Variants in TNNI3K observed in about 807,000 individuals in gnomAD.
The protein encoded by TNNI3K is TNNI3 interacting kinase.
In TNNI3K, 140 loss-of-function variants were observed where a neutral mutation model predicts 114.5. The observed-to-expected ratio is 1.22, with a 90% CI of 1.07 to 1.41. The LOEUF is 1.41. Ranked by LOEUF, TNNI3K falls within the 40% of genes most tolerant of loss-of-function variation. The pLI is 0.00. For synonymous variants in TNNI3K, 347 were observed against 347.5 expected (o/e 1.00, Z 0.02); for missense variants, 1,125 against 1,007.6 (o/e 1.12, Z -1.58).
intron 23 of TNNI3K, among the ~76,000 whole-genome samples, chr1:74,527,396 C>G (rs1397985820): frequency 2.0e-5 from 3 of 152,122 alleles, no homozygotes; most frequent in Non-Finnish European, 2.9e-5. Context: ...AGAAACAAGG[C>G]ATAGTAGAAA....
At chr1:74,252,511 G>C (rs1233482623) in intron 4 of TNNI3K, among the ~76,000 whole-genome samples, 2 of 152,148 alleles carry the variant, frequency 1.3e-5, no homozygotes, top group Non-Finnish European at 2.9e-5. Flanking sequence ...GTGGATTCTT[G>C]GTCTCACTCA....
intron 17 of TNNI3K, among the ~76,000 whole-genome samples, chr1:74,420,738 A>T (rs1665355505): frequency 6.6e-6 from 1 of 152,180 alleles, no homozygotes; most frequent in Non-Finnish European, 1.5e-5. Flanking sequence ...TAGCTATAAT[A>T]AGTGTCAGAG....
intron 5 of TNNI3K, among the ~76,000 whole-genome samples, chr1:74,315,567 T>A (rs535674265): frequency 8.3e-4 from 127 of 152,116 alleles, no homozygotes; most frequent in African/African-American, 3.0e-3. Context: ...TTTTTTTTTT[T>A]AACTGGATTT....
intron 9 of TNNI3K, among the ~76,000 whole-genome samples, chr1:74,349,914 A>G (rs1280006272): frequency 6.6e-6 from 1 of 152,030 alleles, no homozygotes; most frequent in Non-Finnish European, 1.5e-5. Context: ...GATCTTTTCA[A>G]AAAACCAGCT....
In TNNI3K at chr1:74,344,103, CTT is replaced by C. The variant is rs201026092; in HGVS notation, c.932+926_932+927del. Among the ~76,000 whole-genome samples the C allele has an allele frequency of 6.3e-3, 962 of 152,248 alleles. 11 individuals are homozygous for C. Among genetic ancestry groups the C allele is most frequent in the African/African-American group, 0.022 (921 of 41,554 alleles). ...TGAATAATAAAAATGAGGAGATTCT[CTT>C]TATTTCTTACCAAACTAAAATTAAG... On this transcript the variant is annotated intron_variant, in intron 9 of 24. Coordinates refer to ENST00000326637, the MANE Select transcript of TNNI3K (RefSeq NM_015978.3).
chr1:74,368,600 A>G (rs1662406256), intron 13 of TNNI3K, among the ~76,000 whole-genome samples: 1 of 151,868 alleles, frequency 6.6e-6, no homozygotes, highest in South Asian at 2.1e-4. Context: ...CCAGATCAGA[A>G]CCTTTATCAT....
chr1:74,527,382 A>G (rs1231554177), intron 23 of TNNI3K, among the ~76,000 whole-genome samples: 1 of 152,256 alleles, frequency 6.6e-6, no homozygotes, highest in Non-Finnish European at 1.5e-5. Flanking sequence ...ATCCATACTT[A>G]CTGAGAAACA....
In TNNI3K at chr1:74,452,507, T is replaced by G. The variant is rs188658277; in HGVS notation, c.2012-10934T>G. On this transcript the variant is annotated intron_variant, in intron 20 of 24. Transcript: ENST00000326637. ...TTTTCCTATTTTCAGTTCTACAGTT[T>G]ATCTCTGAAATCCATCCAGTTATCT... 1.4e-4 allele frequency among the ~76,000 whole-genome samples: 21 copies of G among 152,326 alleles called. No individual in the cohort carries two copies. In the East Asian group the frequency reaches 4.1e-3, roughly 29 times the overall value.
At chr1:74,436,801 G>T (rs1387893918) in intron 19 of TNNI3K, among the ~76,000 whole-genome samples, 3 of 151,934 alleles carry the variant, frequency 2.0e-5, no homozygotes, top group Non-Finnish European at 4.4e-5. Flanking sequence ...TGTGGGCATG[G>T]ATCTTTTCAT....
chr1:74,424,065 CA>C (rs893229692), intron 17 of TNNI3K, among the ~76,000 whole-genome samples: 1 of 84,794 alleles, frequency 1.2e-5, no homozygotes, highest in African/African-American at 2.7e-5. Context: ...GCATAATGGA[CA>C]CATTAGAATA....
intron 21 of TNNI3K, chr1:74,475,322 G>A (rs770057897): frequency 2.9e-6 from 2 of 698,950 alleles, no homozygotes; most frequent in Non-Finnish European, 5.3e-6. Context: ...TGGTGTTGCA[G>A]AGTTTGAGGC....
chr1:74,271,714 T>C lies in TNNI3K; in HGVS notation c.444+6T>C. On this transcript the variant is annotated splice_donor_region_variant and intron_variant, in intron 5 of 24. Coordinates refer to ENST00000326637, the MANE Select transcript of TNNI3K (RefSeq NM_015978.3). ...CAATAGCTGGCCACCTAGAGGTAAG[T>C]CATGCCTTTGGCACCTGTGAAAACA... 1 of 1,602,896 alleles carries C rather than the reference T, an allele frequency of 6.2e-7. No individual in the cohort carries two copies. The highest frequency in any genetic ancestry group is 8.5e-7 in the Non-Finnish European group (1 of 1,173,864).
intron 22 of TNNI3K, among the ~76,000 whole-genome samples, chr1:74,490,240 A>G (rs191630228): frequency 6.6e-6 from 1 of 152,160 alleles, no homozygotes; most frequent in South Asian, 2.1e-4. Context: ...CCCTTCTCTT[A>G]TTCAGTACTG....
chr1:74,340,339 A>G (rs188729921), intron 7 of TNNI3K, among the ~76,000 whole-genome samples: 1 of 152,250 alleles, frequency 6.6e-6, no homozygotes, highest in Admixed American at 6.5e-5. Flanking sequence ...ATGTTTCTCA[A>G]TAAGATGCTA....
intron 17 of TNNI3K, chr1:74,375,434 G>A (rs1271373655): frequency 2.6e-6 from 1 of 381,372 alleles, no homozygotes; most frequent in African/African-American, 2.1e-5. Flanking sequence ...TAACAAATTA[G>A]CCACAAGATT....
intron 17 of TNNI3K, among the ~76,000 whole-genome samples, chr1:74,389,139 A>G (rs1374585451): frequency 6.6e-6 from 1 of 152,208 alleles, no homozygotes; most frequent in Non-Finnish European, 1.5e-5. Context: ...CATTTGCCAT[A>G]GGTCAGGAGG....
chr1:74,530,724 T>G (rs1570748364), intron 23 of TNNI3K, among the ~76,000 whole-genome samples: 1 of 30,532 alleles, frequency 3.3e-5, no homozygotes, highest in Non-Finnish European at 5.1e-5. Flanking sequence ...ACTCAAAAAG[T>G]TTTTTTTTTT....
intron 3 of TNNI3K, 66 bp downstream of exon 3, chr1:74,249,610 G>A (rs1654804443): frequency 3.4e-6 from 5 of 1,475,676 alleles, no homozygotes; most frequent in Non-Finnish European, 4.6e-6. Flanking sequence ...GACTTGAGCT[G>A]CTTAATAGTC....
At chr1:74,401,789 T>A (rs1212154211) in intron 17 of TNNI3K, 2 of 444,408 alleles carry the variant, frequency 4.5e-6, no homozygotes, top group Admixed American at 4.9e-5. Flanking sequence ...ATGTAATTAA[T>A]TCAAATCTCT....
Sources: gnomAD v4.1 joint callset for allele counts (sites outside exome capture counted in the v4.1 genomes callset) on GRCh38, gnomAD v4.1.1 for gene constraint, MANE v1.5 for transcripts, NCBI Gene and HGNC (gene_info 2026-07-23, HGNC 2026-07-21) for gene names.